Variants in TMPRSS6 observed in about 807,000 individuals in gnomAD.
TMPRSS6 encodes transmembrane protease serine 6.
TMPRSS6 carries 67 observed loss-of-function variants against 101.5 expected under a neutral mutation model. The observed-to-expected ratio is 0.66, with a 90% CI of 0.54 to 0.81. The LOEUF is 0.81. TMPRSS6 is among the 30% of genes least tolerant of loss of function. TMPRSS6 has a pLI of 0.00. For missense variants in TMPRSS6, 1,034 were observed against 1,088.7 expected, an observed-to-expected ratio of 0.95 and a Z score of 0.71; for synonymous variants, 453 against 464.9, an observed-to-expected ratio of 0.97 and a Z score of 0.33.
At position 37,073,554 on chromosome 22, in the gene TMPRSS6, G is replaced by A. The variant is rs771385745; in HGVS notation, c.1533C>T (p.Ser511=). The change falls in exon 13 of 18, where the codon AGC becomes AGT. Residue 511 remains serine, a synonymous_variant. Coordinates refer to ENST00000676104, the MANE Select transcript of TMPRSS6 (RefSeq NM_001374504.1). ...TACCTTCCTGGCACTGCTCTTCGTC[G>A]CTGCCGTTGAGACAATCAGGCTGCC... ...CDGQPDCLNG[S]DEEQCQEGVP... 9.2e-5 allele frequency: 148 copies of A among 1,613,246 alleles called. No homozygotes were observed. Among genetic ancestry groups the A allele is most frequent in the Non-Finnish European group, 1.2e-4 (137 of 1,179,406 alleles).
At chr22:37,094,286 A>G (rs1929535974) in intron 6 of TMPRSS6, among the ~76,000 whole-genome samples, 1 of 152,090 alleles carries the variant, frequency 6.6e-6, no homozygotes. Flanking sequence ...ACAACTCCAA[A>G]GGTTTGAGTT....
At chr22:37,083,175 G>T in intron 10 of TMPRSS6, 1 of 433,724 alleles carries the variant, frequency 2.3e-6, no homozygotes, top group South Asian at 1.7e-5. Flanking sequence ...GAGGGCAGAG[G>T]CCCAACCTGC....
At chr22:37,086,232 T>C (rs775677880) in intron 8 of TMPRSS6, 51 bp downstream of exon 8, 110 of 1,612,924 alleles carry the variant, frequency 6.8e-5, no homozygotes, top group Non-Finnish European at 8.9e-5. Context: ...TGGAGGGCCC[T>C]TGGATTCTAC....
At chr22:37,098,685 A>G in intron 2 of TMPRSS6, 136 bp from the exon 3 acceptor site, 13 of 1,098,148 alleles carry the variant, frequency 1.2e-5, no homozygotes, top group Admixed American at 1.8e-5. Flanking sequence ...CATCAATGTC[A>G]TCATCATCAT....
chr22:37,089,722 T>C lies in TMPRSS6; in HGVS notation c.692A>G (p.His231Arg), dbSNP rs1381892290. 7 of 1,612,128 alleles carry C rather than the reference T, an allele frequency of 4.3e-6. No homozygotes were observed. The highest frequency in any genetic ancestry group is 1.1e-5 in the South Asian group (1 of 90,730). Residue 231 changes from histidine (H) to arginine (R), a missense_variant, in exon 7 of 18, where the codon CAC becomes CGC. Physicochemically the swap from His to Arg is conservative, Grantham distance 29. Coordinates refer to ENST00000676104, the MANE Select transcript of TMPRSS6 (RefSeq NM_001374504.1). ...GTGCCACAGGCAGCTGGAGGCCAGG[T>C]GGTCAGGCCCCTTCAGCCGGAGGAC... ...GQVLRLKGPD[H>R]LASSCLWHLQ... is the part of the protein sequence containing the mutation.
In TMPRSS6 at chr22:37,089,705, G is replaced by A; in HGVS notation, c.709C>T (p.Leu237=). Residue 237 remains leucine (L), a synonymous_variant, in exon 7 of 18, where the codon CTG becomes TTG. Coordinates refer to ENST00000676104, the MANE Select transcript of TMPRSS6 (RefSeq NM_001374504.1). The part of the protein sequence containing the change: ...KGPDHLASSC[L]WHLQGPKDLM... The stretch of plus-strand genomic sequence containing the variant: ...TCCTTGGGGCCCTGCAGGTGCCACA[G>A]GCAGCTGGAGGCCAGGTGGTCAGGC... 6.2e-7 allele frequency: 1 copy of A among 1,611,850 alleles called. No homozygotes were observed. The highest frequency in any genetic ancestry group is 8.5e-7 in the Non-Finnish European group (1 of 1,179,248).
intron 6 of TMPRSS6, among the ~76,000 whole-genome samples, chr22:37,093,448 A>G (rs953722578): frequency 2.0e-4 from 25 of 122,252 alleles, no homozygotes; most frequent in Admixed American, 1.7e-3. Context: ...AGGCTGGAGT[A>G]CAGTGGCACA....
chr22:37,103,541 A>G lies in TMPRSS6; in HGVS notation c.-1-123T>C. Reference sequence around the variant, plus strand: ...TTTGGAGTGGAAGAGTAACAACATCAGGCGGCAGTGACTGCAAGTGGGTGC... The same window carrying G: ...TTTGGAGTGGAAGAGTAACAACATCGGGCGGCAGTGACTGCAAGTGGGTGC... On this transcript the variant is annotated intron_variant, in intron 1 of 17. Transcript: ENST00000676104. This position sits in a 1 kb window ranked among gnomAD's most constrained non-coding sequence, Gnocchi z 4.4. The G allele has an allele frequency of 1.9e-6, 3 of 1,614,026 alleles. No homozygotes were observed. Among genetic ancestry groups the G allele is most frequent in the Non-Finnish European group, 1.7e-6 (2 of 1,180,018 alleles).
intron 10 of TMPRSS6, chr22:37,080,026 G>T (rs1261959935): frequency 6.6e-6 from 1 of 152,300 alleles, no homozygotes; most frequent in East Asian, 1.9e-4. Flanking sequence ...AGTGGAAATG[G>T]TGGGGCGAAT....
chr22:37,084,594 G>T, intron 9 of TMPRSS6, 133 bp downstream of exon 9: 1 of 867,726 alleles, frequency 1.2e-6, no homozygotes, highest in Non-Finnish European at 1.9e-6. Context: ...CACCCTGGCA[G>T]GATGTGTACC....
chr22:37,069,341 C>T lies in TMPRSS6; in HGVS notation c.1845G>A (p.Met615Ile). 1 of 462,790 alleles carries T rather than the reference C, an allele frequency of 2.2e-6. No individual in the cohort carries two copies. The allele number at this position is 462,790 out of a possible 1,614,324, so 28.7% of individuals were successfully genotyped here. Residue 615 changes from methionine (M) to isoleucine (I), a missense_variant, in exon 16 of 18, where the codon ATG becomes ATA. Coordinates refer to ENST00000676104, the MANE Select transcript of TMPRSS6 (RefSeq NM_001374504.1). This position sits in a 1 kb window ranked among gnomAD's most constrained non-coding sequence, Gnocchi z 4.8. ...TAAHCFQEDS[M>I]ASTVLWTVFL... ...ACACGGTCCACAGCACCGTGGAGGC[C>T]ATGCTGGGGTGGGGTGGGGTGGGGT...
At position 37,103,496 on chromosome 22, in the gene TMPRSS6, G is replaced by A. The variant is rs1248933864; in HGVS notation, c.-1-78C>T. 3 of 1,614,100 alleles carry A rather than the reference G, an allele frequency of 1.9e-6. No homozygotes were observed. The highest frequency in any genetic ancestry group is 2.5e-6 in the Non-Finnish European group (3 of 1,180,046). Reference sequence around the variant, plus strand: ...CTCTGCTGAGCACCGGTGGGGCACGGAAGCAGGACTTCCCTGCCTTTTGGA... The same window carrying A: ...CTCTGCTGAGCACCGGTGGGGCACGAAAGCAGGACTTCCCTGCCTTTTGGA... On this transcript the variant is annotated intron_variant, in intron 1 of 17. Transcript: ENST00000676104. The surrounding 1 kb of genome is among the most constrained non-coding windows in gnomAD (Gnocchi z 4.4).
chr22:37,103,548 A>T lies in TMPRSS6; in HGVS notation c.-1-130T>A. 1 of 1,613,958 alleles carries T rather than the reference A, an allele frequency of 6.2e-7. No individual in the cohort carries two copies. The highest frequency in any genetic ancestry group is 8.5e-7 in the Non-Finnish European group (1 of 1,180,014). On this transcript the variant is annotated intron_variant, in intron 1 of 17. Coordinates refer to ENST00000676104, the MANE Select transcript of TMPRSS6 (RefSeq NM_001374504.1). The surrounding 1 kb of genome is among the most constrained non-coding windows in gnomAD (Gnocchi z 4.4). Reference sequence around the variant, plus strand: ...TGGAAGAGTAACAACATCAGGCGGCAGTGACTGCAAGTGGGTGCCGAGACA... The same window carrying T: ...TGGAAGAGTAACAACATCAGGCGGCTGTGACTGCAAGTGGGTGCCGAGACA...
Position 37,095,889 on chromosome 22 carries a change from C to T in TMPRSS6, c.589+17G>A, listed in dbSNP as rs761691399. On this transcript the variant is annotated intron_variant, in intron 5 of 17. Transcript: ENST00000676104. ...ACCTCATGAGGCCAACCCCACGTTT[C>T]CACTCGCAGTACTGACCCAGGATCA... 8.7e-6 allele frequency: 14 copies of T among 1,613,898 alleles called. No homozygotes were observed. Among genetic ancestry groups the T allele is most frequent in the Middle Eastern group, 1.7e-4 (1 of 6,056 alleles).
rs866552328 is a variant in TMPRSS6 at position 37,097,733 on chromosome 22, C to T, written c.336+683G>A. On this transcript the variant is annotated intron_variant, in intron 3 of 17. Coordinates refer to ENST00000676104, the MANE Select transcript of TMPRSS6 (RefSeq NM_001374504.1). The stretch of plus-strand genomic sequence containing the variant: ...AGAGGGGCAGGAGCGGGCCACCGTC[C>T]TGTAACGGAGGGGCAGGAGCGGCCA... Among the ~76,000 whole-genome samples the T allele has an allele frequency of 4.5e-4, 54 of 118,716 alleles. 2 individuals are homozygous for T. In the South Asian group the frequency reaches 8.2e-3, roughly 18 times the overall value. The allele number at this position is 118,716 out of a possible 152,430, so 77.9% of individuals were successfully genotyped here.
intron 10 of TMPRSS6, among the ~76,000 whole-genome samples, chr22:37,080,707 C>T (rs1057218263): frequency 6.6e-6 from 1 of 152,252 alleles, no homozygotes; most frequent in Non-Finnish European, 1.5e-5. Context: ...CAAGAGTCTG[C>T]CCCTGGGGAC....
intron 2 of TMPRSS6, among the ~76,000 whole-genome samples, chr22:37,099,618 G>C (rs984204245): frequency 6.6e-6 from 1 of 152,148 alleles, no homozygotes; most frequent in East Asian, 1.9e-4. Context: ...AGAAAAAACT[G>C]CCCTTAATAG....
chr22:37,108,913 A>G (rs1930885846), intron 1 of TMPRSS6, among the ~76,000 whole-genome samples: 1 of 152,036 alleles, frequency 6.6e-6, no homozygotes, highest in African/African-American at 2.4e-5. Flanking sequence ...CACACATATA[A>G]ACACACTCAC....
chr22:37,078,973 A>AAAAGAAATAAAGAAAGAAAGAAAG (rs1555888511), intron 10 of TMPRSS6, among the ~76,000 whole-genome samples: 3 of 106,510 alleles, frequency 2.8e-5, no homozygotes, highest in Non-Finnish European at 5.8e-5. Flanking sequence ...GAAAGAAAGA[A>AAAAGAAATAAAGAAAGAAAGAAAG]AAAGAAAGAA....
Sources: allele counts gnomAD v4.1 joint callset (sites outside exome capture counted in the v4.1 genomes callset), GRCh38; gene constraint gnomAD v4.1.1; non-coding constraint Gnocchi (gnomAD v3.1); transcripts MANE v1.5; gene names NCBI Gene and HGNC (gene_info 2026-07-23, HGNC 2026-07-21).